Variants in IGSF10 observed in about 807,000 individuals in gnomAD.
IGSF10 encodes the protein calvaria mechanical force protein 608.
A neutral mutation model predicts 128.2 loss-of-function variants in IGSF10; 126 were observed. The observed-to-expected ratio is 0.98, with a 90% CI of 0.85 to 1.14. IGSF10 has a LOEUF of 1.14. Ranked by LOEUF, IGSF10 falls within the 50% of genes most tolerant of loss-of-function variation. The probability of loss-of-function intolerance (pLI) is 0.00; values close to 1 mark genes in which losing one functional copy is unlikely to be tolerated. For missense variants in IGSF10, 3,295 were observed against 3,149.8 expected (o/e 1.05, Z -1.10); for synonymous variants, 1,185 against 1,146.2 (o/e 1.03, Z -0.68).
chr3:151,535,397 A>C, the IGSF10 span, among the ~76,000 whole-genome samples: 185 of 152,304 alleles, frequency 1.2e-3, 1 homozygote, highest in African/African-American at 4.4e-3. Context: ...TATAAGTGGG[A>C]ACTAAACACT....
In IGSF10 at chr3:151,438,377, C is replaced by T; in HGVS notation, c.6184G>A (p.Ala2062Thr). 6.2e-7 allele frequency: 1 copy of T among 1,614,140 alleles called. No homozygotes were observed. Among genetic ancestry groups the T allele is most frequent in the South Asian group, 1.1e-5 (1 of 91,078 alleles). ...ATCTCTGGCACTGGGGAGCCGGAAG[C>T]TTTGCAATCTACTTGGAAATCTTTC... Reference protein sequence around the residue: ...HGKDFQVDCKASGSPVPEISW... With the variant: ...HGKDFQVDCKTSGSPVPEISW... Residue 2062 changes from alanine to threonine, a missense_variant, in exon 8 of 8, where the codon GCT becomes ACT. Ala to Thr is a moderately conservative substitution (Grantham distance 58). Coordinates refer to ENST00000282466, the MANE Select transcript of IGSF10 (RefSeq NM_178822.5).
chr3:151,555,057 C>G, the IGSF10 span, among the ~76,000 whole-genome samples: 1 of 152,050 alleles, frequency 6.6e-6, no homozygotes. Context: ...ATTCAGGTGA[C>G]AAGCATAGGC....
chr3:151,608,279 A>G, the IGSF10 span, among the ~76,000 whole-genome samples: 2 of 152,364 alleles, frequency 1.3e-5, no homozygotes, highest in South Asian at 4.1e-4. Flanking sequence ...AGGCTTCTCT[A>G]TGCTAAAATT....
chr3:151,446,122 T>C lies in IGSF10; in HGVS notation c.3859A>G (p.Lys1287Glu). Reference protein sequence around the residue: ...THNPGSLPTKKELPFPPLNPM... With the variant: ...THNPGSLPTKEELPFPPLNPM... Reference sequence around the variant, plus strand: ...TTAAGGGGTGGGAAGGGAAGCTCCTTCTTTGTTGGAAGACTTCCAGGATTG... The same window carrying C: ...TTAAGGGGTGGGAAGGGAAGCTCCTCCTTTGTTGGAAGACTTCCAGGATTG... The change falls in exon 6 of 8, where the codon AAG (lysine) becomes GAG (glutamate). Residue 1287 changes from lysine to glutamate, a missense_variant. Coordinates refer to ENST00000282466, the MANE Select transcript of IGSF10 (RefSeq NM_178822.5). The C allele has an allele frequency of 1.2e-6, 2 of 1,614,116 alleles. No individual in the cohort carries two copies. Among genetic ancestry groups the C allele is most frequent in the Non-Finnish European group, 1.7e-6 (2 of 1,180,010 alleles).
At chr3:151,612,488 G>A in the IGSF10 span, among the ~76,000 whole-genome samples, 2 of 152,202 alleles carry the variant, frequency 1.3e-5, no homozygotes, top group Admixed American at 6.5e-5. Flanking sequence ...CTGTATAATT[G>A]TTTCCCTTCA....
At chr3:151,547,429 TACACAC>T in the IGSF10 span, among the ~76,000 whole-genome samples, 6 of 146,872 alleles carry the variant, frequency 4.1e-5, no homozygotes, top group Admixed American at 6.9e-5. Flanking sequence ...AATATATATA[TACACAC>T]ACACACACAC....
chr3:151,617,900 G>T, the IGSF10 span, among the ~76,000 whole-genome samples: 6 of 152,276 alleles, frequency 3.9e-5, no homozygotes, highest in South Asian at 1.2e-3. Flanking sequence ...TGTTATAAAA[G>T]CCAGATTAGC....
At chr3:151,453,253 A>G (rs1721596636) in intron 5 of IGSF10, 131 bp downstream of exon 5, 1 of 746,074 alleles carries the variant, frequency 1.3e-6, no homozygotes, top group South Asian at 2.3e-5. Context: ...TAAATAATTC[A>G]TTATTCTTGA....
chr3:151,608,510 T>A, the IGSF10 span, among the ~76,000 whole-genome samples: 17 of 152,334 alleles, frequency 1.1e-4, no homozygotes, highest in Admixed American at 3.9e-4. Flanking sequence ...TATGCTTTTC[T>A]TCATTCTCAT....
the IGSF10 span, among the ~76,000 whole-genome samples, chr3:151,558,692 T>C: frequency 4.6e-5 from 7 of 152,022 alleles, no homozygotes; most frequent in Admixed American, 6.6e-5. Flanking sequence ...GATGCAGAAG[T>C]TGGCCTAAGG....
the IGSF10 span, among the ~76,000 whole-genome samples, chr3:151,468,910 C>T: frequency 6.6e-6 from 1 of 152,086 alleles, no homozygotes; most frequent in Admixed American, 6.6e-5. Flanking sequence ...TGCCTAGGCC[C>T]CAGTGTATGT....
intron 5 of IGSF10, among the ~76,000 whole-genome samples, chr3:151,452,717 C>G (rs1721568094): frequency 6.6e-6 from 1 of 151,882 alleles, no homozygotes; most frequent in Admixed American, 6.6e-5. Context: ...GCAGGAAAGG[C>G]AAAAGACTTC....
the IGSF10 span, among the ~76,000 whole-genome samples, chr3:151,558,596 C>T: frequency 2.6e-5 from 4 of 151,924 alleles, no homozygotes; most frequent in Non-Finnish European, 5.9e-5. Context: ...TCACTGCAAC[C>T]TCAGCCTCCC....
In IGSF10 at chr3:151,445,435, G is replaced by A. The variant is rs1424416859; in HGVS notation, c.4546C>T (p.Gln1516Ter). The A allele has an allele frequency of 6.2e-7, 1 of 1,614,076 alleles. No individual in the cohort carries two copies. Among genetic ancestry groups the A allele is most frequent in the African/African-American group, 1.3e-5 (1 of 74,922 alleles). The change falls in exon 6 of 8, where the codon CAG becomes TAG. Residue 1516 changes from glutamine (Q) to a stop codon, truncating the protein, a stop_gained. Transcript: ENST00000282466. LOFTEE classifies it high-confidence loss of function. Reference sequence around the variant, plus strand: ...GTTGCAACCTCTGCTACTAATTGCTGTGGTTTAGCATTGTGCCTTGAGGAT... The same window carrying A: ...GTTGCAACCTCTGCTACTAATTGCTATGGTTTAGCATTGTGCCTTGAGGAT... ...HESSRHNAKP[Q>*]QLVAEVATSP... is the part of the protein sequence containing the mutation.
chr3:151,617,308 TTCTTCTTCTTCC>T, the IGSF10 span, among the ~76,000 whole-genome samples: 678 of 130,706 alleles, frequency 5.2e-3, 19 homozygotes, highest in African/African-American at 0.01. Flanking sequence ...CTTCTTCTTC[TTCTTCTTCTTCC>T]CCTCCTCCTC....
chr3:151,491,587 A>G, the IGSF10 span, among the ~76,000 whole-genome samples: 1 of 152,132 alleles, frequency 6.6e-6, no homozygotes. Context: ...CAATAGACAA[A>G]CAAACAAACA....
chr3:151,487,256 A>G, the IGSF10 span, among the ~76,000 whole-genome samples: 1 of 152,230 alleles, frequency 6.6e-6, no homozygotes, highest in Non-Finnish European at 1.5e-5. Flanking sequence ...TCCTGGACAC[A>G]TACACCCTCC....
chr3:151,510,003 A>T, the IGSF10 span, among the ~76,000 whole-genome samples: 2 of 152,182 alleles, frequency 1.3e-5, no homozygotes, highest in African/African-American at 4.8e-5. Flanking sequence ...GGAGCCCACC[A>T]CAGCTCAAGG....
chr3:151,560,148 G>A, the IGSF10 span, among the ~76,000 whole-genome samples: 1 of 152,164 alleles, frequency 6.6e-6, no homozygotes, highest in Non-Finnish European at 1.5e-5. Flanking sequence ...AGAAACTGTG[G>A]ACACAAGAGT....
Sources: allele counts gnomAD v4.1 joint callset (sites outside exome capture counted in the v4.1 genomes callset), GRCh38; gene constraint gnomAD v4.1.1; transcripts MANE v1.5; gene names NCBI Gene and HGNC (gene_info 2026-07-23, HGNC 2026-07-21).